The following CFTR variants were observed in gnomAD, a reference collection of about 807,000 sequenced individuals.
CFTR encodes the protein cystic fibrosis transmembrane conductance regulator.
Under a neutral mutation model 171.6 loss-of-function variants are expected in CFTR, and 181 were observed. The observed-to-expected ratio is 1.05, with a 90% CI of 0.93 to 1.19. CFTR has a LOEUF of 1.19. Among genes scored for constraint, CFTR ranks in the 50% most tolerant of loss-of-function variants. The pLI is 0.00. For synonymous variants in CFTR, 583 were observed against 608.0 expected, an observed-to-expected ratio of 0.96 and a Z score of 0.60; for missense variants, 1,968 against 1,734.7, an observed-to-expected ratio of 1.13 and a Z score of -2.39.
rs868468390 is a variant in CFTR, at chr7:117,612,035, A to G, written c.3367+227A>G. Among the ~76,000 whole-genome samples, 27 of 74,234 alleles carry G rather than the reference A, an allele frequency of 3.6e-4. 1 individual carries two copies. Among genetic ancestry groups the G allele is most frequent in the Middle Eastern group, 6.0e-3 (1 of 166 alleles). The allele number at this position is 74,234 out of a possible 152,430, so 48.7% of individuals were successfully genotyped here. Reference sequence around the variant, plus strand: ...TATATATATATATGTATATATATATATATATATATATATATATACATATAT... The same window carrying G: ...TATATATATATATGTATATATATATGTATATATATATATATATACATATAT... On this transcript the variant is annotated intron_variant, in intron 20 of 26. Transcript: ENST00000003084.
chr7:117,564,584 G>A (rs532059220), intron 11 of CFTR: 3 of 166,584 alleles, frequency 1.8e-5, no homozygotes, highest in East Asian at 1.9e-4. Context: ...ATGAAGCCCC[G>A]ATCACCAAAT....
intron 24 of CFTR, among the ~76,000 whole-genome samples, chr7:117,662,173 CTCAG>C (rs1288882521): frequency 3.3e-5 from 5 of 152,276 alleles, no homozygotes; most frequent in African/African-American, 1.2e-4. Flanking sequence ...TAAGCCAGTG[CTCAG>C]TCATTCATTC....
intron 11 of CFTR, among the ~76,000 whole-genome samples, chr7:117,584,096 G>T (rs919590862): frequency 6.6e-6 from 1 of 151,818 alleles, no homozygotes; most frequent in Non-Finnish European, 1.5e-5. Flanking sequence ...CATAGTTTAT[G>T]AATATTCTTT....
At chr7:117,641,584 T>C (rs1438148340) in intron 22 of CFTR, among the ~76,000 whole-genome samples, 1 of 152,086 alleles carries the variant, frequency 6.6e-6, no homozygotes, top group Non-Finnish European at 1.5e-5. Flanking sequence ...TTTTCAGTGG[T>C]CAGTTAATGA....
At chr7:117,648,854 A>G (rs1793036632) in intron 23 of CFTR, among the ~76,000 whole-genome samples, 1 of 152,176 alleles carries the variant, frequency 6.6e-6, no homozygotes, top group Non-Finnish European at 1.5e-5. Flanking sequence ...GAAATACCTA[A>G]TTGTATGAAA....
chr7:117,636,547 T>A (rs1447033154), intron 22 of CFTR, among the ~76,000 whole-genome samples: 3 of 152,142 alleles, frequency 2.0e-5, no homozygotes, highest in African/African-American at 7.2e-5. Context: ...GTTTTTGTAG[T>A]CATCCCGCTG....
At chr7:117,571,105 G>C (rs2115972660) in intron 11 of CFTR, among the ~76,000 whole-genome samples, 1 of 152,242 alleles carries the variant, frequency 6.6e-6, no homozygotes, top group East Asian at 1.9e-4. Context: ...AACTATGGAA[G>C]TCCAGGTGGT....
chr7:117,532,372 C>T (rs1445852976), intron 4 of CFTR, among the ~76,000 whole-genome samples: 2 of 152,178 alleles, frequency 1.3e-5, no homozygotes, highest in Admixed American at 6.5e-5. Context: ...TACACTATCT[C>T]ATTTGATCTT....
chr7:117,548,550 T>G, intron 9 of CFTR, 91 bp from the exon 10 acceptor site: 1 of 1,551,176 alleles, frequency 6.4e-7, no homozygotes, highest in Non-Finnish European at 8.7e-7. Context: ...TCAAACTAAT[T>G]GTACATAAAA....
chr7:117,480,041 AT>A lies in CFTR; in HGVS notation c.-52del. 2 of 1,553,366 alleles carry A rather than the reference AT, an allele frequency of 1.3e-6. No homozygotes were observed. The highest frequency in any genetic ancestry group is 2.2e-5 in the South Asian group (2 of 89,894). On this transcript the variant is annotated 5_prime_UTR_variant, in exon 1 of 27. Transcript: ENST00000003084. The stretch of plus-strand genomic sequence containing the variant: ...GCACCCAGAGTAGTAGGTCTTTGGC[AT>A]TAGGAGCTTGAGCCCAGACGGCCCT...
At chr7:117,632,729 G>C (rs1435292952) in intron 22 of CFTR, among the ~76,000 whole-genome samples, 1 of 152,138 alleles carries the variant, frequency 6.6e-6, no homozygotes, top group Non-Finnish European at 1.5e-5. Flanking sequence ...TAGAAAGCAA[G>C]AGCACTGCTC....
chr7:117,653,662 C>T (rs763465009), intron 24 of CFTR, among the ~76,000 whole-genome samples: 3 of 152,130 alleles, frequency 2.0e-5, no homozygotes, highest in African/African-American at 4.8e-5. Flanking sequence ...GCATTTCACT[C>T]CTGACCTCCA....
At chr7:117,480,194 A>G (rs755209518) in intron 1 of CFTR, 47 bp downstream of exon 1, 7 of 1,580,092 alleles carry the variant, frequency 4.4e-6, no homozygotes, top group Non-Finnish European at 6.1e-6. Context: ...TGCCCACGAA[A>G]GAGGAGGGCG....
intron 4 of CFTR, among the ~76,000 whole-genome samples, chr7:117,531,785 T>G (rs1798870286): frequency 6.6e-6 from 1 of 152,206 alleles, no homozygotes; most frequent in South Asian, 2.1e-4. Context: ...GGCATGTGCT[T>G]GCATCATCCT....
At chr7:117,602,714 A>G in intron 15 of CFTR, 112 bp from the exon 16 acceptor site, 1 of 889,142 alleles carries the variant, frequency 1.1e-6, no homozygotes, top group Non-Finnish European at 1.9e-6. Flanking sequence ...AATTGTGTGT[A>G]CCTTGATATT....
intron 1 of CFTR, among the ~76,000 whole-genome samples, chr7:117,496,885 G>A (rs1465977629): frequency 1.3e-5 from 2 of 151,320 alleles, no homozygotes. Flanking sequence ...GCATGAAGTG[G>A]TATTTCATTG....
chr7:117,610,521 G>T lies in CFTR; in HGVS notation c.2991G>T (p.Leu997Phe). The T allele has an allele frequency of 1.2e-6, 2 of 1,612,004 alleles. No homozygotes were observed. Among genetic ancestry groups the T allele is most frequent in the South Asian group, 1.1e-5 (1 of 91,016 alleles). ...LPLTIFDFIQ[L>F]LLIVIGAIAV... ...ACATGTTTTCTTTGATCTTACAGTTGTTATTAATTGTGATTGGAGCTATAG... is the reference window on the plus strand; with the variant it reads ...ACATGTTTTCTTTGATCTTACAGTTTTTATTAATTGTGATTGGAGCTATAG... Residue 997 changes from leucine (L) to phenylalanine (F), a missense_variant and splice_region_variant, in exon 19 of 27, where the codon TTG becomes TTT. Leu to Phe is a conservative substitution (Grantham distance 22). Coordinates refer to ENST00000003084, the MANE Select transcript of CFTR (RefSeq NM_000492.4).
intron 6 of CFTR, 113 bp downstream of exon 6, chr7:117,535,524 A>AT (rs1798939101): frequency 1.0e-5 from 8 of 774,528 alleles, no homozygotes; most frequent in African/African-American, 4.3e-5. Context: ...AGTGTCATTA[A>AT]ATTTTTTTTT....
At chr7:117,529,483 A>T (rs1436925483) in intron 3 of CFTR, among the ~76,000 whole-genome samples, 1 of 137,118 alleles carries the variant, frequency 7.3e-6, no homozygotes, top group Non-Finnish European at 1.5e-5. Flanking sequence ...AACCTGCACA[A>T]TGTGCACATG....
Sources: allele counts gnomAD v4.1 joint callset (sites outside exome capture counted in the v4.1 genomes callset), GRCh38; gene constraint gnomAD v4.1.1; transcripts MANE v1.5; gene names NCBI Gene and HGNC (gene_info 2026-07-23, HGNC 2026-07-21).